The following EMX1 variants were observed in gnomAD, a reference collection of about 807,000 sequenced individuals.
EMX1 encodes homeobox protein EMX1.
Under a neutral mutation model 20.1 loss-of-function variants are expected in EMX1, and 10 were observed. The observed-to-expected ratio is 0.50, with a 90% CI of 0.31 to 0.84. The LOEUF (loss-of-function observed/expected upper bound fraction) is 0.84. Among genes scored for constraint, EMX1 ranks in the 40% least tolerant of loss-of-function variants. The pLI, the probability that EMX1 is intolerant of heterozygous loss-of-function variation, is 0.05. For synonymous variants in EMX1, 250 were observed against 200.4 expected (o/e 1.25, Z -2.09); for missense variants, 424 against 431.9 (o/e 0.98, Z 0.16).
rs886778726 is a variant in EMX1 at position 72,924,631 on chromosome 2, G to T, written c.705+138G>T. The T allele has an allele frequency of 1.4e-4, 155 of 1,103,726 alleles. 1 individual carries two copies. Among genetic ancestry groups the T allele is most frequent in the Middle Eastern group, 9.2e-4 (3 of 3,260 alleles). 68.4% of individuals were successfully genotyped at this position (1,103,726 alleles called of 1,614,324 possible). ...AAAGGCCCCCATTCCCCGCGGCGCT[G>T]CGGTCAAGCCCGTCTTTAGAGCCTC... On this transcript the variant is annotated intron_variant, in intron 2 of 2. Coordinates refer to ENST00000258106, the MANE Select transcript of EMX1 (RefSeq NM_004097.3).
chr2:72,921,385 C>T (rs1247939641), intron 1 of EMX1, among the ~76,000 whole-genome samples: 1 of 152,220 alleles, frequency 6.6e-6, no homozygotes, highest in Admixed American at 6.5e-5. Flanking sequence ...AAACAGGCCG[C>T]ACCCTAGACC....
intron 1 of EMX1, among the ~76,000 whole-genome samples, chr2:72,919,310 TTTTC>T (rs1328298844): frequency 5.5e-5 from 8 of 146,480 alleles, no homozygotes; most frequent in South Asian, 2.1e-4. Flanking sequence ...TGTTTTTTTC[TTTTC>T]TTTTTTTTTA....
At chr2:72,925,741 C>A in intron 2 of EMX1, 1 of 985,444 alleles carries the variant, frequency 1.0e-6, no homozygotes, top group Non-Finnish European at 1.2e-6. Context: ...CAGACCCAAA[C>A]TTCATCCGCA....
At chr2:72,918,430 G>A (rs1194039567) in intron 1 of EMX1, 58 bp downstream of exon 1, 1 of 1,351,986 alleles carries the variant, frequency 7.4e-7, no homozygotes. Flanking sequence ...CTGCGGCGAT[G>A]CGGGGGAGGC....
upstream of EMX1, chr2:72,916,981 G>A (rs902125494): frequency 7.0e-6 from 5 of 711,896 alleles, no homozygotes; most frequent in East Asian, 1.1e-4. Flanking sequence ...CCTTTCCAGA[G>A]CTGTCCCCCG....
chr2:72,926,603 C>T (rs1342064063), intron 2 of EMX1, among the ~76,000 whole-genome samples: 1 of 152,002 alleles, frequency 6.6e-6, no homozygotes, highest in Non-Finnish European at 1.5e-5. Context: ...TCCCTGCTAA[C>T]TTACTGTGTA....
At position 72,934,679 on chromosome 2, in the gene EMX1, A is replaced by G. The variant is rs1671336630; in HGVS notation, c.*725A>G. ...AGAGGGAGAGTGCTTCCCTCTGCCT[A>G]GAGACTCTGGTGGCTTCTCCAGTTG... is the stretch of plus-strand genomic sequence containing the variant. On this transcript the variant is annotated 3_prime_UTR_variant, in exon 3 of 3. Transcript: ENST00000258106. 6.6e-6 allele frequency: 1 copy of G among 152,136 alleles called. No individual in the cohort carries two copies. Among genetic ancestry groups the G allele is most frequent in the Admixed American group, 6.5e-5 (1 of 15,276 alleles). The allele number at this position is 152,136 out of a possible 1,614,324, so 9.4% of individuals were successfully genotyped here.
intron 2 of EMX1, chr2:72,933,174 A>T (rs1671311655): frequency 1.3e-5 from 2 of 152,344 alleles, no homozygotes; most frequent in Non-Finnish European, 2.9e-5. Flanking sequence ...TGGAGTCTCT[A>T]GCAGCGGGTT....
intron 2 of EMX1, chr2:72,926,381 C>T: frequency 1.2e-6 from 1 of 809,986 alleles, no homozygotes; most frequent in Non-Finnish European, 1.5e-6. Context: ...ATAAACGTAT[C>T]CTGCTTCATT....
chr2:72,917,145 C>T (rs1049499876), upstream of EMX1: 2 of 613,280 alleles, frequency 3.3e-6, no homozygotes, highest in East Asian at 2.8e-5. Context: ...CAAACATCCA[C>T]CCTCCGCTCG....
chr2:72,916,552 G>T (rs987739437), upstream of EMX1: 4 of 612,650 alleles, frequency 6.5e-6, no homozygotes, highest in East Asian at 2.7e-5. Context: ...TGCCCCCGGG[G>T]AATTCGTCCG....
At chr2:72,933,666 T>C in intron 2 of EMX1, 121 bp from the exon 3 acceptor site, 1 of 1,369,220 alleles carries the variant, frequency 7.3e-7, no homozygotes, top group Non-Finnish European at 9.8e-7. Context: ...CTGGGGCCCC[T>C]AACCCTATGT....
upstream of EMX1, chr2:72,917,369 C>G (rs1670982791): frequency 6.4e-6 from 2 of 313,450 alleles, no homozygotes; most frequent in Admixed American, 4.6e-5. Flanking sequence ...AGGAGGAGGC[C>G]TGGATCTCCC....
upstream of EMX1, chr2:72,916,367 G>A (rs778128266): frequency 3.3e-5 from 13 of 390,202 alleles, no homozygotes; most frequent in Non-Finnish European, 5.6e-5. Flanking sequence ...CGGCAGCGGC[G>A]AGGAAGCGGA....
upstream of EMX1, chr2:72,916,595 CCG>C: frequency 1.5e-6 from 1 of 655,650 alleles, no homozygotes; most frequent in Non-Finnish European, 2.8e-6. Context: ...GCAGAGTCGT[CCG>C]CGGTTCCGCG....
At position 72,934,101 on chromosome 2, in the gene EMX1, C is replaced by T. The variant is rs968994139; in HGVS notation, c.*147C>T. 14 of 1,153,480 alleles carry T rather than the reference C, an allele frequency of 1.2e-5. No individual in the cohort carries two copies. The highest frequency in any genetic ancestry group is 2.6e-5 in the East Asian group (1 of 38,302). 71.5% of individuals were successfully genotyped at this position (1,153,480 alleles called of 1,614,324 possible). A position where few individuals can be genotyped will look rare whatever the true frequency, so the allele number is the denominator to read the frequency against. ...CCCCACAGGGCTTGAAGCCCGGGGCCGCCATTGACAGAGGGACAAGCAATG... is the reference window on the plus strand; with the variant it reads ...CCCCACAGGGCTTGAAGCCCGGGGCTGCCATTGACAGAGGGACAAGCAATG... On this transcript the variant is annotated 3_prime_UTR_variant, in exon 3 of 3. Transcript: ENST00000258106.
intron 2 of EMX1, chr2:72,925,513 T>TGCCG: frequency 1.6e-6 from 2 of 1,288,892 alleles, no homozygotes; most frequent in Non-Finnish European, 2.0e-6. Context: ...AGTCTCTGCG[T>TGCCG]GCCGGCCGGC....
chr2:72,921,025 C>T (rs1391827220), intron 1 of EMX1, among the ~76,000 whole-genome samples: 4 of 152,168 alleles, frequency 2.6e-5, no homozygotes, highest in Non-Finnish European at 5.9e-5. Flanking sequence ...CCTCTCCTAG[C>T]CCTAGGGCCC....
rs1559056675 is a variant in EMX1 at position 72,918,020 on chromosome 2, CG to C, written c.173del (p.Gly58AlafsTer39). Reference sequence around the variant, plus strand: ...TGGTGGCCAAGGACGGCGGCACCGGCGGGGGCACTGGCGGCGGGGGCGCGGG... The same window carrying C: ...TGGTGGCCAAGGACGGCGGCACCGGCGGGGCACTGGCGGCGGGGGCGCGGG... ...SLVAKDGGTGGGTGGGGAGSH... is the reference protein window; with the variant it reads ...SLVAKDGGTGXGTGGGGAGSH... On this transcript the variant is annotated frameshift_variant, in exon 1 of 3. Transcript: ENST00000258106. LOFTEE classifies it high-confidence loss of function. 7.0e-7 allele frequency: 1 copy of C among 1,432,716 alleles called. No homozygotes were observed. Among genetic ancestry groups the C allele is most frequent in the Non-Finnish European group, 9.1e-7 (1 of 1,102,034 alleles). The allele number at this position is 1,432,716 out of a possible 1,614,324, so 88.8% of individuals were successfully genotyped here.
Sources: gnomAD v4.1 joint callset for allele counts (sites outside exome capture counted in the v4.1 genomes callset) on GRCh38, gnomAD v4.1.1 for gene constraint, MANE v1.5 for transcripts, NCBI Gene and HGNC (gene_info 2026-07-23, HGNC 2026-07-21) for gene names.